CAMK1D: variants seen among roughly 807,000 people sequenced by gnomAD.
CAMK1D encodes calcium/calmodulin-dependent protein kinase type 1D.
A neutral mutation model predicts 47.7 loss-of-function variants in CAMK1D; 9 were observed. That is an observed-to-expected ratio of 0.19 (90% CI 0.11 to 0.33). The LOEUF (loss-of-function observed/expected upper bound fraction) is 0.33, where lower values mean the gene tolerates loss of function less well. Ranked by LOEUF, CAMK1D falls within the 10% of genes least tolerant of loss-of-function variation. The pLI, the probability that CAMK1D is intolerant of heterozygous loss-of-function variation, is 1.00. For synonymous variants in CAMK1D, 184 were observed against 184.9 expected, an observed-to-expected ratio of 0.99 and a Z score of 0.04; for missense variants, 291 against 488.7, an observed-to-expected ratio of 0.60 and a Z score of 3.81.
At chr10:12,616,461 A>C (rs1216087043) in intron 2 of CAMK1D, among the ~76,000 whole-genome samples, 1 of 152,134 alleles carries the variant, frequency 6.6e-6, no homozygotes, top group Non-Finnish European at 1.5e-5. Flanking sequence ...CCCTTTACGG[A>C]AAAATCCAAA....
chr10:12,748,694 C>T (rs765005192), intron 3 of CAMK1D, among the ~76,000 whole-genome samples: 5 of 152,264 alleles, frequency 3.3e-5, no homozygotes, highest in East Asian at 3.9e-4. Context: ...GTGACCATAG[C>T]AGGGAGAGCC....
At chr10:12,780,053 G>C (rs1467406459) in intron 5 of CAMK1D, among the ~76,000 whole-genome samples, 1 of 152,016 alleles carries the variant, frequency 6.6e-6, no homozygotes, top group Non-Finnish European at 1.5e-5. Flanking sequence ...GTTTAAACGT[G>C]TTTCATCTTG....
intron 1 of CAMK1D, among the ~76,000 whole-genome samples, chr10:12,381,867 G>C (rs1838357877): frequency 6.6e-6 from 1 of 152,116 alleles, no homozygotes; most frequent in South Asian, 2.1e-4. Context: ...AGTTTTCATA[G>C]CAGAGACCTG....
intron 1 of CAMK1D, among the ~76,000 whole-genome samples, chr10:12,359,772 A>G (rs1219737768): frequency 1.3e-5 from 2 of 152,240 alleles, no homozygotes; most frequent in Non-Finnish European, 2.9e-5. Context: ...TCTAACCATC[A>G]TGAAGTTTTG....
intron 1 of CAMK1D, among the ~76,000 whole-genome samples, chr10:12,419,757 A>G (rs1454777620): frequency 6.6e-6 from 1 of 152,066 alleles, no homozygotes; most frequent in Non-Finnish European, 1.5e-5. Flanking sequence ...GACTTTGTAT[A>G]TGTTGGGTTT....
rs34038018 is a variant in CAMK1D at position 12,573,831 on chromosome 10, C to CTTTTTTTTTTTTTTTTT, written c.224+20484_224+20500dup. ...CACCATGCCTGGCTTATTAAAAAAA[C>CTTTTTTTTTTTTTTTTT]TTTTTTTTTTTTTTTTTTTTTTTTT... is the stretch of plus-strand genomic sequence containing the variant. On this transcript the variant is annotated intron_variant, in intron 2 of 10. Transcript: ENST00000619168. 3.7e-4 allele frequency among the ~76,000 whole-genome samples: 24 copies of CTTTTTTTTTTTTTTTTT among 64,080 alleles called. 2 individuals are homozygous for CTTTTTTTTTTTTTTTTT. Among genetic ancestry groups the CTTTTTTTTTTTTTTTTT allele is most frequent in the African/African-American group, 1.3e-3 (24 of 18,446 alleles). 42.0% of individuals were successfully genotyped at this position (64,080 alleles called of 152,430 possible).
intron 3 of CAMK1D, among the ~76,000 whole-genome samples, chr10:12,685,914 G>C (rs1398364104): frequency 6.6e-6 from 1 of 152,148 alleles, no homozygotes; most frequent in African/African-American, 2.4e-5. Context: ...TTTCTGCTCT[G>C]CCCTTCAAGT....
intron 1 of CAMK1D, among the ~76,000 whole-genome samples, chr10:12,505,788 C>T (rs542317780): frequency 2.6e-5 from 4 of 152,230 alleles, no homozygotes; most frequent in African/African-American, 9.6e-5. Context: ...GATGCTCTAG[C>T]GTGTACCAGA....
At chr10:12,553,124 C>A in intron 1 of CAMK1D, 101 bp from the exon 2 acceptor site, 1 of 1,581,942 alleles carries the variant, frequency 6.3e-7, no homozygotes, top group African/African-American at 1.4e-5. Context: ...ACAACTGTGC[C>A]GTCGTTATTG....
At chr10:12,383,708 T>C (rs972251153) in intron 1 of CAMK1D, among the ~76,000 whole-genome samples, 2 of 152,190 alleles carry the variant, frequency 1.3e-5, no homozygotes, top group Non-Finnish European at 2.9e-5. Context: ...AAATAACCTT[T>C]TACACAAATA....
At chr10:12,519,950 C>G (rs1455491133) in intron 1 of CAMK1D, among the ~76,000 whole-genome samples, 1 of 49,790 alleles carries the variant, frequency 2.0e-5, no homozygotes, top group Non-Finnish European at 4.1e-5. Context: ...CTGACCCCCC[C>G]ACCTCCCTCC....
At chr10:12,806,009 G>A (rs768912832) in intron 6 of CAMK1D, among the ~76,000 whole-genome samples, 11 of 152,198 alleles carry the variant, frequency 7.2e-5, no homozygotes, top group Non-Finnish European at 1.5e-4. Context: ...TGCCCTGGCC[G>A]GGTGGGATCA....
In CAMK1D at chr10:12,774,195, G is replaced by A. The variant is rs181590047; in HGVS notation, c.565+4396G>A. ...CAAATATTGATAGCTAAGTTCATTC[G>A]TGTGTTAGGTGGCCTTAAGTACTAT... On this transcript the variant is annotated intron_variant, in intron 5 of 10. Coordinates refer to ENST00000619168, the MANE Select transcript of CAMK1D (RefSeq NM_153498.4). Among the ~76,000 whole-genome samples the A allele has an allele frequency of 5.7e-3, 861 of 152,268 alleles. 8 individuals carry two copies. Among genetic ancestry groups the A allele is most frequent in the African/African-American group, 0.019 (800 of 41,534 alleles).
At chr10:12,797,279 G>A (rs1259954713) in intron 6 of CAMK1D, among the ~76,000 whole-genome samples, 2 of 150,604 alleles carry the variant, frequency 1.3e-5, no homozygotes, top group Non-Finnish European at 2.9e-5. Context: ...GTTCAATGCA[G>A]CCTTGACCTC....
rs1267749578 is a variant in CAMK1D at position 12,749,547 on chromosome 10, GT to G, written c.300-11395del. On this transcript the variant is annotated intron_variant, in intron 3 of 10. Coordinates refer to ENST00000619168, the MANE Select transcript of CAMK1D (RefSeq NM_153498.4). ...TGGATGTTTGTTTGTTTGTTTGTTT[GT>G]TTTTTGTTTGTTTGTTTGTTTGTTT... Among the ~76,000 whole-genome samples the G allele has an allele frequency of 3.7e-4, 44 of 120,124 alleles. 2 individuals carry two copies. Among genetic ancestry groups the G allele is most frequent in the Non-Finnish European group, 1.9e-5 (1 of 52,914 alleles). The allele number at this position is 120,124 out of a possible 152,430, so 78.8% of individuals were successfully genotyped here.
At chr10:12,824,622 T>C in intron 9 of CAMK1D, 70 bp downstream of exon 9, 1 of 1,248,392 alleles carries the variant, frequency 8.0e-7, no homozygotes, top group Non-Finnish European at 1.2e-6. Flanking sequence ...AATCTGAGCA[T>C]TTCTGAAATC....
intron 2 of CAMK1D, among the ~76,000 whole-genome samples, chr10:12,649,387 G>C (rs1839898935): frequency 6.6e-6 from 1 of 152,190 alleles, no homozygotes; most frequent in African/African-American, 2.4e-5. Flanking sequence ...CTGTGTGCTG[G>C]GGGGAGCCCA....
chr10:12,587,574 G>A (rs1405493528), intron 2 of CAMK1D, among the ~76,000 whole-genome samples: 3 of 151,426 alleles, frequency 2.0e-5, no homozygotes, highest in African/African-American at 7.3e-5. Flanking sequence ...AGTCTCCCCA[G>A]GTGGCTTCAT....
At chr10:12,628,047 C>T (rs1299904201) in intron 2 of CAMK1D, among the ~76,000 whole-genome samples, 6 of 151,104 alleles carry the variant, frequency 4.0e-5, no homozygotes, top group Non-Finnish European at 7.4e-5. Flanking sequence ...TGCCACTGCA[C>T]TCCAGCCTGG....
Sources: allele counts gnomAD v4.1 joint callset (sites outside exome capture counted in the v4.1 genomes callset), GRCh38; gene constraint gnomAD v4.1.1; transcripts MANE v1.5; gene names NCBI Gene and HGNC (gene_info 2026-07-23, HGNC 2026-07-21).